The following BARD1 variants were observed in gnomAD, a reference collection of about 807,000 sequenced individuals.
BARD1 encodes the protein BRCA1 associated RING domain 1, also known as BRCA1-associated RING domain protein 1.
BARD1 carries 73 observed loss-of-function variants against 77.0 expected under a neutral mutation model. The observed-to-expected ratio is 0.95, with a 90% CI of 0.79 to 1.15. The LOEUF is 1.15. BARD1 is among the 50% of genes most tolerant of loss of function. The pLI is 0.00. For missense variants in BARD1, 993 were observed against 938.8 expected (o/e 1.06, Z -0.75); for synonymous variants, 384 against 338.0 (o/e 1.14, Z -1.49).
At chr2:214,738,708 A>C (rs1692676340) in intron 9 of BARD1, among the ~76,000 whole-genome samples, 1 of 152,214 alleles carries the variant, frequency 6.6e-6, no homozygotes. Flanking sequence ...TGATGAGAGA[A>C]TACAATGAAG....
rs745669714 is a variant in BARD1 at position 214,780,798 on chromosome 2, A to G, written c.1076T>C (p.Leu359Ser). ...TGAAGGTGGTGAAGAACATTCAGGCAATGGTATATTTTCTGAGGGCACCGT... is the reference window on the plus strand; with the variant it reads ...TGAAGGTGGTGAAGAACATTCAGGCGATGGTATATTTTCTGAGGGCACCGT... ...KQTVPSENIP[L>S]PECSSPPSCK... Residue 359 changes from leucine (L) to serine (S), a missense_variant, in exon 4 of 11, where the codon TTG becomes TCG. Coordinates refer to ENST00000260947, the MANE Select transcript of BARD1 (RefSeq NM_000465.4). 2.6e-6 allele frequency: 4 copies of G among 1,541,458 alleles called. No homozygotes were observed. The South Asian group carries it at 3.8e-5, about 15-fold the overall frequency.
chr2:214,796,935 A>G lies in BARD1; in HGVS notation c.215+126T>C, dbSNP rs527402925. 28 of 803,866 alleles carry G rather than the reference A, an allele frequency of 3.5e-5. 3 individuals carry two copies. In the South Asian group the frequency reaches 3.6e-4, roughly 10 times the overall value. The allele number at this position is 803,866 out of a possible 1,614,324, so 49.8% of individuals were successfully genotyped here. ...AAAGATCAAACTAAGATAATGTACA[A>G]TAGGTTACTTTGCAGACTTTGAAAG... On this transcript the variant is annotated intron_variant, in intron 2 of 10. Transcript: ENST00000260947.
chr2:214,787,833 C>T (rs144775419), intron 3 of BARD1, among the ~76,000 whole-genome samples: 1 of 151,948 alleles, frequency 6.6e-6, no homozygotes, highest in Non-Finnish European at 1.5e-5. Flanking sequence ...GGATTATAAT[C>T]ATGTACACTG....
chr2:214,773,786 T>C (rs1559416602), intron 4 of BARD1, among the ~76,000 whole-genome samples: 1 of 152,206 alleles, frequency 6.6e-6, no homozygotes, highest in Non-Finnish European at 1.5e-5. Context: ...TGTGACAGTT[T>C]CTTAAATCAG....
chr2:214,796,087 C>T (rs984148715), intron 2 of BARD1, among the ~76,000 whole-genome samples: 10 of 152,112 alleles, frequency 6.6e-5, no homozygotes, highest in African/African-American at 2.4e-4. Flanking sequence ...GTAACATACT[C>T]ATAACTGGAA....
chr2:214,740,171 C>G (rs1300281522), intron 9 of BARD1, among the ~76,000 whole-genome samples: 1 of 151,942 alleles, frequency 6.6e-6, no homozygotes, highest in Non-Finnish European at 1.5e-5. Flanking sequence ...ATTAAAAGTT[C>G]AAATTTTTAT....
At chr2:214,738,875 T>A (rs1292510572) in intron 9 of BARD1, among the ~76,000 whole-genome samples, 1 of 152,150 alleles carries the variant, frequency 6.6e-6, no homozygotes, top group African/African-American at 2.4e-5. Flanking sequence ...CCAGACCTGG[T>A]GGCTCGCACT....
chr2:214,784,272 G>GA (rs1310854924), intron 3 of BARD1, among the ~76,000 whole-genome samples: 2 of 151,430 alleles, frequency 1.3e-5, no homozygotes, highest in Admixed American at 6.6e-5. Flanking sequence ...CAACAAACAC[G>GA]AAAAAAAAGC....
Position 214,801,901 on chromosome 2 carries a change from C to T in BARD1, c.159-4784G>A, listed in dbSNP as rs941133188. ...TTAAAACAAGATCTTGCTCTGTCGC[C>T]CAGGCTGGAGTACAGTGGCATGATC... On this transcript the variant is annotated intron_variant, in intron 1 of 10. Coordinates refer to ENST00000260947, the MANE Select transcript of BARD1 (RefSeq NM_000465.4). Among the ~76,000 whole-genome samples the T allele has an allele frequency of 2.6e-5, 4 of 150,998 alleles. No individual in the cohort carries two copies. The South Asian group carries it at 6.3e-4, about 24-fold the overall frequency.
At chr2:214,804,620 C>T (rs1205855785) in intron 1 of BARD1, among the ~76,000 whole-genome samples, 1 of 152,082 alleles carries the variant, frequency 6.6e-6, no homozygotes, top group Non-Finnish European at 1.5e-5. Flanking sequence ...ATCAACGAGT[C>T]CATTTTCCTC....
intron 6 of BARD1, among the ~76,000 whole-genome samples, chr2:214,752,934 A>T (rs1446126125): frequency 6.6e-6 from 1 of 152,216 alleles, no homozygotes; most frequent in Non-Finnish European, 1.5e-5. Flanking sequence ...ATAAAAAATT[A>T]GATAAATTCA....
At chr2:214,738,204 G>A (rs1692652656) in intron 9 of BARD1, among the ~76,000 whole-genome samples, 1 of 152,124 alleles carries the variant, frequency 6.6e-6, no homozygotes, top group South Asian at 2.1e-4. Context: ...AGAAACAAAC[G>A]GATGAACTAC....
At chr2:214,795,892 C>T (rs1695733908) in intron 2 of BARD1, among the ~76,000 whole-genome samples, 2 of 152,140 alleles carry the variant, frequency 1.3e-5, no homozygotes, top group African/African-American at 4.8e-5. Context: ...TGGTAGGCAA[C>T]AGGTTCCATC....
At chr2:214,749,664 C>T (rs1294100412) in intron 7 of BARD1, among the ~76,000 whole-genome samples, 1 of 151,970 alleles carries the variant, frequency 6.6e-6, no homozygotes, top group African/African-American at 2.4e-5. Flanking sequence ...ACTTCAAGTA[C>T]AAATGAAGAA....
At chr2:214,748,859 C>T (rs1574746461) in intron 7 of BARD1, among the ~76,000 whole-genome samples, 1 of 81,866 alleles carries the variant, frequency 1.2e-5, no homozygotes, top group African/African-American at 4.9e-5. Context: ...TCTAATGTTC[C>T]TTCATGCATT....
chr2:214,790,175 T>A (rs1041452432), intron 3 of BARD1, among the ~76,000 whole-genome samples: 1 of 152,174 alleles, frequency 6.6e-6, no homozygotes, highest in Admixed American at 6.5e-5. Context: ...TGGTATGCCA[T>A]AACTGACAAC....
intron 1 of BARD1, among the ~76,000 whole-genome samples, chr2:214,799,080 G>C (rs1410270020): frequency 6.6e-6 from 1 of 152,140 alleles, no homozygotes; most frequent in Non-Finnish European, 1.5e-5. Flanking sequence ...TTGAGCCACT[G>C]CACTCCAGAC....
chr2:214,744,786 A>G (rs1418652785), intron 9 of BARD1, among the ~76,000 whole-genome samples: 2 of 151,942 alleles, frequency 1.3e-5, no homozygotes, highest in Non-Finnish European at 2.9e-5. Context: ...GCCCGCCACC[A>G]CGCCCGGCTA....
At chr2:214,756,156 C>T (rs1693685466) in intron 6 of BARD1, among the ~76,000 whole-genome samples, 1 of 152,076 alleles carries the variant, frequency 6.6e-6, no homozygotes, top group African/African-American at 2.4e-5. Flanking sequence ...TGGGAAGTGA[C>T]TGGATCATGG....
Sources: allele counts gnomAD v4.1 joint callset (sites outside exome capture counted in the v4.1 genomes callset), GRCh38; gene constraint gnomAD v4.1.1; transcripts MANE v1.5; gene names NCBI Gene and HGNC (gene_info 2026-07-23, HGNC 2026-07-21).